Variants in MAST4 observed in about 807,000 individuals in gnomAD.
MAST4 encodes microtubule-associated serine/threonine-protein kinase 4.
In MAST4, 89 loss-of-function variants were observed where a neutral mutation model predicts 162.7. The observed-to-expected ratio is 0.55, with a 90% CI of 0.46 to 0.65. The LOEUF is 0.65. MAST4 is among the 30% of genes least tolerant of loss of function. MAST4 has a pLI of 0.00. For missense variants in MAST4, 3,153 were observed against 3,374.0 expected (o/e 0.93, Z 1.62); for synonymous variants, 1,479 against 1,361.1 (o/e 1.09, Z -1.91).
chr5:67,160,761 C>T (rs1250140303), intron 27 of MAST4, among the ~76,000 whole-genome samples, 169 bp downstream of exon 27: 1 of 152,180 alleles, frequency 6.6e-6, no homozygotes, highest in African/African-American at 2.4e-5. Context: ...ATAGCATCAA[C>T]TTCCATAGTA....
chr5:66,754,699 A>G (rs1056537612), intron 1 of MAST4, among the ~76,000 whole-genome samples: 1 of 152,194 alleles, frequency 6.6e-6, no homozygotes, highest in Non-Finnish European at 1.5e-5. Context: ...TGTAACTTTA[A>G]TTTTAGCAGG....
rs72272071 is a variant in MAST4 at position 66,608,355 on chromosome 5, C to CTTTTT, written c.363+11364_363+11368dup. 3.5e-3 allele frequency among the ~76,000 whole-genome samples: 157 copies of CTTTTT among 44,410 alleles called. 12 individuals carry two copies. The highest frequency in any genetic ancestry group is 0.013 in the African/African-American group (138 of 10,664). The allele number at this position is 44,410 out of a possible 152,430, so 29.1% of individuals were successfully genotyped here. A position where few individuals can be genotyped will look rare whatever the true frequency, so the allele number is the denominator to read the frequency against. On this transcript the variant is annotated intron_variant, in intron 1 of 28. Coordinates refer to ENST00000403625, the MANE Select transcript of MAST4 (RefSeq NM_001164664.2). Reference sequence around the variant, plus strand: ...ACAGACATGAACCACTGTGCCTGGCCTTTTTTTTTTTTTTTTTTTTTTTTT... The same window carrying CTTTTT: ...ACAGACATGAACCACTGTGCCTGGCCTTTTTTTTTTTTTTTTTTTTTTTTTTTTTT...
At chr5:66,715,007 C>T (rs1274964027) in intron 1 of MAST4, among the ~76,000 whole-genome samples, 1 of 152,192 alleles carries the variant, frequency 6.6e-6, no homozygotes, top group Admixed American at 6.5e-5. Context: ...TTTATGCTAC[C>T]CCTGGGGTCC....
At chr5:66,670,919 C>T (rs187642228) in intron 1 of MAST4, among the ~76,000 whole-genome samples, 4 of 152,242 alleles carry the variant, frequency 2.6e-5, no homozygotes, top group Non-Finnish European at 4.4e-5. Context: ...TCTGAAGTGT[C>T]CCAATTTGGA....
chr5:66,743,290 C>T (rs1295630200), intron 1 of MAST4, among the ~76,000 whole-genome samples: 6 of 152,130 alleles, frequency 3.9e-5, no homozygotes, highest in African/African-American at 1.4e-4. Context: ...TCCCCTTTTT[C>T]TCTAGTTCAT....
At chr5:67,094,327 T>A (rs972243244) in intron 6 of MAST4, among the ~76,000 whole-genome samples, 1 of 152,182 alleles carries the variant, frequency 6.6e-6, no homozygotes, top group East Asian at 1.9e-4. Flanking sequence ...AAAATGTCAG[T>A]TTTTTACGTT....
chr5:67,040,165 A>G (rs184568719), intron 4 of MAST4, among the ~76,000 whole-genome samples: 154 of 152,264 alleles, frequency 1.0e-3, no homozygotes, highest in Non-Finnish European at 1.7e-3. Flanking sequence ...GGTTCTCTTG[A>G]ACACTGAGAG....
At chr5:67,038,736 T>A (rs956014409) in intron 4 of MAST4, among the ~76,000 whole-genome samples, 28 of 152,294 alleles carry the variant, frequency 1.8e-4, no homozygotes, top group East Asian at 7.7e-4. Flanking sequence ...TGATTTTTTT[T>A]AAAAAATAAA....
chr5:66,965,227 T>TC (rs1738243151), intron 4 of MAST4, among the ~76,000 whole-genome samples: 1 of 133,726 alleles, frequency 7.5e-6, no homozygotes, highest in Non-Finnish European at 1.7e-5. Flanking sequence ...TTTTTTTGCT[T>TC]TTTTTTTTTT....
At chr5:66,807,829 C>T (rs1164566019) in intron 3 of MAST4, among the ~76,000 whole-genome samples, 1 of 152,176 alleles carries the variant, frequency 6.6e-6, no homozygotes, top group African/African-American at 2.4e-5. Context: ...AAGACTGTGC[C>T]GTCTTCCACT....
At chr5:66,994,231 C>T (rs1750380430) in intron 4 of MAST4, among the ~76,000 whole-genome samples, 2 of 152,184 alleles carry the variant, frequency 1.3e-5, no homozygotes, top group South Asian at 4.2e-4. Flanking sequence ...TCTATTGTTC[C>T]TTTATCATTT....
intron 14 of MAST4, among the ~76,000 whole-genome samples, chr5:67,129,072 A>G (rs1043143333): frequency 6.6e-5 from 10 of 152,090 alleles, no homozygotes; most frequent in African/African-American, 2.4e-4. Flanking sequence ...TTGGCTCTAT[A>G]AAGTATTTGG....
chr5:67,114,384 G>C (rs1240712374), intron 12 of MAST4, 165 bp downstream of exon 12: 1 of 786,704 alleles, frequency 1.3e-6, no homozygotes, highest in East Asian at 3.1e-5. Flanking sequence ...CCATAAAATG[G>C]GTCCTGAGAC....
chr5:66,811,261 G>T (rs1756461890), intron 3 of MAST4, among the ~76,000 whole-genome samples: 1 of 152,206 alleles, frequency 6.6e-6, no homozygotes. Context: ...ACGGCTTATG[G>T]CCACATGTAG....
At chr5:66,663,341 A>C (rs746785315) in intron 1 of MAST4, among the ~76,000 whole-genome samples, 24 of 152,222 alleles carry the variant, frequency 1.6e-4, no homozygotes, top group Admixed American at 1.1e-3. Flanking sequence ...TGAACAAAAC[A>C]GACAAAAATC....
chr5:66,610,113 A>G (rs530508065), intron 1 of MAST4, among the ~76,000 whole-genome samples: 1 of 152,258 alleles, frequency 6.6e-6, no homozygotes, highest in South Asian at 2.1e-4. Flanking sequence ...TTAAATCACC[A>G]TTTAAAGGAA....
At chr5:66,651,887 G>T (rs1746244908) in intron 1 of MAST4, among the ~76,000 whole-genome samples, 2 of 152,186 alleles carry the variant, frequency 1.3e-5, no homozygotes, top group African/African-American at 4.8e-5. Flanking sequence ...AACTCCCTCA[G>T]TTCTGTGCTA....
chr5:67,154,293 G>A (rs139513374), intron 26 of MAST4, among the ~76,000 whole-genome samples: 32 of 152,208 alleles, frequency 2.1e-4, no homozygotes, highest in Admixed American at 8.5e-4. Context: ...TTATAGCAGC[G>A]TTGTATTTTA....
intron 23 of MAST4, among the ~76,000 whole-genome samples, chr5:67,149,044 G>C (rs984047207): frequency 9.2e-5 from 14 of 152,258 alleles, no homozygotes; most frequent in African/African-American, 2.2e-4. Context: ...CATGGTATGG[G>C]GGGGGTAGGG....
Sources: gnomAD v4.1 joint callset for allele counts (sites outside exome capture counted in the v4.1 genomes callset) on GRCh38, gnomAD v4.1.1 for gene constraint, MANE v1.5 for transcripts, NCBI Gene and HGNC (gene_info 2026-07-23, HGNC 2026-07-21) for gene names.